The following QTGAL variants were observed in gnomAD, a reference collection of about 807,000 sequenced individuals.
The protein encoded by QTGAL is queuosine-tRNA galactosyltransferase, also known as BGnT-like protein 1.
At chr17:83,018,894 C>T in the QTGAL span, among the ~76,000 whole-genome samples, 12 of 152,300 alleles carry the variant, frequency 7.9e-5, no homozygotes, top group East Asian at 2.3e-3. Flanking sequence ...AGCTGTTTCT[C>T]CCCAGCCAGG....
At chr17:82,961,250 AC>A in the QTGAL span, 1 of 1,544,442 alleles carries the variant, frequency 6.5e-7, no homozygotes, top group South Asian at 1.2e-5. Context: ...GATGCACACT[AC>A]ACCTGCGCTC....
the QTGAL span, among the ~76,000 whole-genome samples, chr17:83,016,787 A>G: frequency 1.3e-5 from 2 of 150,702 alleles, no homozygotes; most frequent in African/African-American, 4.9e-5. Context: ...AGGAGGGAGG[A>G]AGGAGGAGGA....
At chr17:82,976,154 C>T in the QTGAL span, among the ~76,000 whole-genome samples, 12,252 of 25,054 alleles carry the variant, frequency 0.49, 3,058 homozygotes, top group East Asian at 0.56. Context: ...ACGAGGGCCC[C>T]GGGACAGAGC....
chr17:82,953,090 A>G, the QTGAL span, among the ~76,000 whole-genome samples: 1 of 152,236 alleles, frequency 6.6e-6, no homozygotes, highest in Admixed American at 6.5e-5. Context: ...ATCAGAAAGC[A>G]GGAAAGATCT....
chr17:83,007,226 A>G, the QTGAL span: 4 of 985,222 alleles, frequency 4.1e-6, no homozygotes, highest in African/African-American at 7.0e-5. Flanking sequence ...TCTCTCTCCT[A>G]AAGCACATGC....
At chr17:82,953,206 TAG>T in the QTGAL span, among the ~76,000 whole-genome samples, 1 of 151,252 alleles carries the variant, frequency 6.6e-6, no homozygotes, top group African/African-American at 2.4e-5. Flanking sequence ...CTGAAGGAGA[TAG>T]AGACACAAAA....
the QTGAL span, among the ~76,000 whole-genome samples, chr17:82,965,037 A>G: frequency 3.0e-3 from 340 of 114,870 alleles, no homozygotes; most frequent in African/African-American, 0.01. Context: ...GCACACCCAC[A>G]GGGAGGACGG....
chr17:82,994,846 C>T, the QTGAL span, among the ~76,000 whole-genome samples: 4 of 152,174 alleles, frequency 2.6e-5, no homozygotes. Flanking sequence ...TCATCACGAC[C>T]AAGTGGGATT....
At chr17:82,976,924 G>A in the QTGAL span, among the ~76,000 whole-genome samples, 10 of 12,602 alleles carry the variant, frequency 7.9e-4, 2 homozygotes, top group Admixed American at 1.7e-3. Context: ...CCCAGGGGCT[G>A]GAGGCCACTT....
At chr17:82,990,360 G>A in the QTGAL span, among the ~76,000 whole-genome samples, 14,403 of 152,276 alleles carry the variant, frequency 0.095, 748 homozygotes, top group African/African-American at 0.12. Flanking sequence ...TGGGAGGAAC[G>A]CCAACGCAGG....
At chr17:83,020,101 A>T in the QTGAL span, among the ~76,000 whole-genome samples, 2 of 152,354 alleles carry the variant, frequency 1.3e-5, no homozygotes, top group Admixed American at 6.5e-5. Context: ...TTTAATAGCA[A>T]AACAGATTTT....
the QTGAL span, among the ~76,000 whole-genome samples, chr17:83,013,553 C>A: frequency 1.3e-5 from 2 of 151,218 alleles, no homozygotes; most frequent in South Asian, 2.1e-4. Context: ...GTCACGAGCA[C>A]CCACTCTGTG....
At chr17:82,990,490 C>T in the QTGAL span, among the ~76,000 whole-genome samples, 1 of 152,276 alleles carries the variant, frequency 6.6e-6, no homozygotes, top group African/African-American at 2.4e-5. Context: ...AGCCACTCAT[C>T]TGGATTTTGC....
the QTGAL span, among the ~76,000 whole-genome samples, chr17:82,977,539 C>T: frequency 6.6e-6 from 1 of 152,180 alleles, no homozygotes; most frequent in Non-Finnish European, 1.5e-5. Flanking sequence ...ATCTGGAACG[C>T]AGCTACAGTG....
chr17:83,042,881 C>G, the QTGAL span, among the ~76,000 whole-genome samples: 1,304 of 152,262 alleles, frequency 8.6e-3, 15 homozygotes, highest in African/African-American at 0.03. Context: ...AACTAGTAAT[C>G]AAAGAGTGCT....
At chr17:83,037,633 AG>A in the QTGAL span, among the ~76,000 whole-genome samples, 3 of 152,204 alleles carry the variant, frequency 2.0e-5, no homozygotes, top group African/African-American at 7.2e-5. The surrounding 1 kb of genome is among the most constrained non-coding windows in gnomAD (Gnocchi z 5.2). Flanking sequence ...GCTCCTCACG[AG>A]AAACACAGGC....
the QTGAL span, among the ~76,000 whole-genome samples, chr17:83,010,443 C>T: frequency 6.6e-6 from 1 of 152,346 alleles, no homozygotes; most frequent in East Asian, 1.9e-4. Context: ...AGAGCTGAGT[C>T]AGTCACTGCA....
the QTGAL span, among the ~76,000 whole-genome samples, chr17:82,989,611 C>T: frequency 6.6e-6 from 1 of 151,778 alleles, no homozygotes; most frequent in African/African-American, 2.4e-5. Context: ...GACATCTTTT[C>T]ATTTACTAAG....
At chr17:83,017,453 G>A in the QTGAL span, among the ~76,000 whole-genome samples, 1 of 151,778 alleles carries the variant, frequency 6.6e-6, no homozygotes, top group African/African-American at 2.4e-5. Flanking sequence ...TGAAACTCTG[G>A]CTCTACTAAA....
Sources: allele counts gnomAD v4.1 joint callset (sites outside exome capture counted in the v4.1 genomes callset), GRCh38; gene constraint gnomAD v4.1.1; non-coding constraint Gnocchi (gnomAD v3.1); transcripts MANE v1.5; gene names NCBI Gene and HGNC (gene_info 2026-07-23, HGNC 2026-07-21).